The following FAM149B1 variants were observed in gnomAD, a reference collection of about 807,000 sequenced individuals.
FAM149B1 encodes the protein family with sequence similarity 149 member B1, also known as primary cilium assembly protein FAM149B1.
FAM149B1 carries 56 observed loss-of-function variants against 75.3 expected under a neutral mutation model. The ratio of observed to expected loss-of-function variants is 0.74; its 90% CI spans 0.60 to 0.93. The LOEUF is 0.93. Ranked by LOEUF, FAM149B1 falls within the 40% of genes least tolerant of loss-of-function variation. The probability of loss-of-function intolerance (pLI) is 0.00; values close to 1 mark genes in which losing one functional copy is unlikely to be tolerated. For missense variants in FAM149B1, 639 were observed against 708.4 expected (o/e 0.90, Z 1.11); for synonymous variants, 259 against 256.1 (o/e 1.01, Z -0.11).
At chr10:73,214,417 G>A (rs1473067465) in intron 7 of FAM149B1, among the ~76,000 whole-genome samples, 1 of 152,178 alleles carries the variant, frequency 6.6e-6, no homozygotes, top group Admixed American at 6.5e-5. Context: ...TCTCTGTTAA[G>A]TATAATGCTA....
chr10:73,184,604 T>G (rs1234840503), intron 3 of FAM149B1, among the ~76,000 whole-genome samples: 1 of 152,218 alleles, frequency 6.6e-6, no homozygotes, highest in Non-Finnish European at 1.5e-5. Flanking sequence ...GGAATTAAAT[T>G]ATAAATCAAC....
In FAM149B1 at chr10:73,171,770, A is replaced by G. The variant is rs1843728035; in HGVS notation, c.48-2917A>G. ...CAGCCTCCCGAGTAGCTGGGACTAC[A>G]GGTGCCCGCCACCATGCCCAGCTAA... On this transcript the variant is annotated intron_variant, in intron 1 of 13. Transcript: ENST00000242505. 2.0e-5 allele frequency among the ~76,000 whole-genome samples: 3 copies of G among 151,878 alleles called. No individual in the cohort carries two copies. The South Asian group carries it at 6.2e-4, about 31-fold the overall frequency.
intron 9 of FAM149B1, among the ~76,000 whole-genome samples, chr10:73,232,558 A>G (rs1245585788): frequency 6.6e-6 from 1 of 152,228 alleles, no homozygotes; most frequent in Non-Finnish European, 1.5e-5. Context: ...TTCAGCACAA[A>G]AGAATGCCTC....
chr10:73,243,627 G>GT lies in FAM149B1; in HGVS notation c.*2615dup. The stretch of plus-strand genomic sequence containing the variant: ...TGGAATAACTACTAATGGGTATGGA[G>GT]TTTTTTTGGAATGGTGAAAATGTCC... On this transcript the variant is annotated 3_prime_UTR_variant, in exon 14 of 14. Transcript: ENST00000242505. The GT allele has an allele frequency of 1.4e-6, 2 of 1,424,236 alleles. No homozygotes were observed. The highest frequency in any genetic ancestry group is 1.9e-6 in the Non-Finnish European group (2 of 1,041,606). 88.2% of individuals were successfully genotyped at this position (1,424,236 alleles called of 1,614,324 possible). A position where few individuals can be genotyped will look rare whatever the true frequency, so the allele number is the denominator to read the frequency against.
chr10:73,208,804 TA>T lies in FAM149B1; in HGVS notation c.710+20del, dbSNP rs1034789458. On this transcript the variant is annotated intron_variant, in intron 6 of 13. Coordinates refer to ENST00000242505, the MANE Select transcript of FAM149B1 (RefSeq NM_173348.2). ...ATAGATATGTGAGTATTATGCCTTT[TA>T]AGCTTTTTACTCCCCTCTTATTTTG... is the stretch of plus-strand genomic sequence containing the variant. 4 of 1,406,932 alleles carry T rather than the reference TA, an allele frequency of 2.8e-6. No individual in the cohort carries two copies. The African/African-American group carries it at 5.8e-5, about 20-fold the overall frequency. 87.2% of individuals were successfully genotyped at this position (1,406,932 alleles called of 1,614,324 possible). A position where few individuals can be genotyped will look rare whatever the true frequency, so the allele number is the denominator to read the frequency against.
At chr10:73,202,950 G>A (rs1441453405) in intron 5 of FAM149B1, among the ~76,000 whole-genome samples, 1 of 152,070 alleles carries the variant, frequency 6.6e-6, no homozygotes, top group African/African-American at 2.4e-5. Flanking sequence ...CACCTGCCAT[G>A]GTTAAGGATC....
chr10:73,173,250 A>C lies in FAM149B1; in HGVS notation c.48-1437A>C, dbSNP rs1347323135. On this transcript the variant is annotated intron_variant, in intron 1 of 13. Coordinates refer to ENST00000242505, the MANE Select transcript of FAM149B1 (RefSeq NM_173348.2). ...CAGCTTCCCCCAATGATGACATCTT[A>C]TGTAACTGTGGTATAATTTAAAAGC... is the stretch of plus-strand genomic sequence containing the variant. Among the ~76,000 whole-genome samples, 4 of 152,230 alleles carry C rather than the reference A, an allele frequency of 2.6e-5. No individual in the cohort carries two copies. The South Asian group carries it at 8.3e-4, about 32-fold the overall frequency.
intron 7 of FAM149B1, among the ~76,000 whole-genome samples, chr10:73,210,860 G>A (rs1007049033): frequency 2.6e-5 from 4 of 151,656 alleles, no homozygotes; most frequent in Non-Finnish European, 4.4e-5. Context: ...ATGAGAGAGA[G>A]GAAAAACCCA....
Position 73,174,791 on chromosome 10 carries a change from G to C in FAM149B1, c.152G>C (p.Ser51Thr). 1 of 1,537,144 alleles carries C rather than the reference G, an allele frequency of 6.5e-7. No individual in the cohort carries two copies. Among genetic ancestry groups the C allele is most frequent in the Non-Finnish European group, 8.8e-7 (1 of 1,133,836 alleles). The change falls in exon 2 of 14, where the codon AGC becomes ACC. Residue 51 changes from serine (S) to threonine (T), a missense_variant and splice_region_variant. Ser to Thr is a moderately conservative substitution (Grantham distance 58). Coordinates refer to ENST00000242505, the MANE Select transcript of FAM149B1 (RefSeq NM_173348.2). ...CATGAGAAAGACACAAGTTCCCAAAGGTAATAACACAAAGTGTACTTGTTT... is the reference window on the plus strand; with the variant it reads ...CATGAGAAAGACACAAGTTCCCAAACGTAATAACACAAAGTGTACTTGTTT... ...DSHEKDTSSQ[S>T]KSDITRESSF...
At chr10:73,204,930 A>C (rs1306459759) in intron 5 of FAM149B1, among the ~76,000 whole-genome samples, 1 of 114,472 alleles carries the variant, frequency 8.7e-6, no homozygotes, top group African/African-American at 3.2e-5. Context: ...GGCACCCGCC[A>C]CCATGCCTGG....
At chr10:73,216,178 T>G (rs192372031) in intron 7 of FAM149B1, among the ~76,000 whole-genome samples, 3 of 152,350 alleles carry the variant, frequency 2.0e-5, no homozygotes, top group Admixed American at 2.0e-4. Flanking sequence ...TTTATGTTTT[T>G]GATTTAAAGT....
intron 5 of FAM149B1, among the ~76,000 whole-genome samples, chr10:73,194,524 C>G (rs2042754185): frequency 6.6e-6 from 1 of 152,006 alleles, no homozygotes; most frequent in Admixed American, 6.6e-5. Context: ...TCCCGAGTAG[C>G]TGGGACTGCA....
Position 73,168,334 on chromosome 10 carries a change from A to G in FAM149B1, c.-6A>G. ...GAGGAGGAGGAGGAGGAGGAGGAGG[A>G]GGAGGATGATCTCCAGATACACTCG... On this transcript the variant is annotated 5_prime_UTR_variant, in exon 1 of 14. Transcript: ENST00000242505. 1.3e-6 allele frequency: 2 copies of G among 1,549,626 alleles called. No homozygotes were observed. The highest frequency in any genetic ancestry group is 1.7e-6 in the Non-Finnish European group (2 of 1,146,774).
In FAM149B1 at chr10:73,239,298, CTT is replaced by C. The variant is rs906246006; in HGVS notation, c.1603-11_1603-10del. On this transcript the variant is annotated splice_polypyrimidine_tract_variant and intron_variant, in intron 12 of 13. Transcript: ENST00000242505. Reference sequence around the variant, plus strand: ...AGATGCATCATAAGAAGTGTCTCCTCTTTTGTCTTGTAGCTGGATACACAGTA... The same window carrying C: ...AGATGCATCATAAGAAGTGTCTCCTCTTGTCTTGTAGCTGGATACACAGTA... 6.5e-7 allele frequency: 1 copy of C among 1,550,058 alleles called. No homozygotes were observed. The highest frequency in any genetic ancestry group is 2.0e-5 in the Admixed American group (1 of 50,946).
In FAM149B1 at chr10:73,230,417, C is replaced by A; in HGVS notation, c.1024-5C>A. ...TCAAGAGTACTGTCTTCTTTCAACA[C>A]GTAGATGAGTCTCTGTCAAGCAAGC... On this transcript the variant is annotated splice_region_variant and splice_polypyrimidine_tract_variant and intron_variant, in intron 8 of 13. Transcript: ENST00000242505. The A allele has an allele frequency of 6.7e-7, 1 of 1,497,132 alleles. No homozygotes were observed. The highest frequency in any genetic ancestry group is 9.1e-7 in the Non-Finnish European group (1 of 1,097,080). 92.7% of individuals were successfully genotyped at this position (1,497,132 alleles called of 1,614,324 possible).
At chr10:73,231,435 C>G (rs2043695975) in intron 9 of FAM149B1, 1 of 152,112 alleles carries the variant, frequency 6.6e-6, no homozygotes, top group Admixed American at 6.6e-5. Context: ...TACCATTTTA[C>G]ACTCCTTCCA....
In FAM149B1 at chr10:73,202,001, C is replaced by T. The variant is rs139262707; in HGVS notation, c.543-6618C>T. 4.5e-3 allele frequency among the ~76,000 whole-genome samples: 680 copies of T among 152,038 alleles called. 11 individuals carry two copies. In the East Asian group the frequency reaches 0.053, roughly 12 times the overall value. Reference sequence around the variant, plus strand: ...CCAACATGGTGAAACCCCGTCTCTACTAAAAATACAAAAATTAGCCAGGCG... The same window carrying T: ...CCAACATGGTGAAACCCCGTCTCTATTAAAAATACAAAAATTAGCCAGGCG... On this transcript the variant is annotated intron_variant, in intron 5 of 13. Transcript: ENST00000242505.
Position 73,234,859 on chromosome 10 carries a change from C to T in FAM149B1, c.1395C>T (p.Pro465=). 3 of 1,551,704 alleles carry T rather than the reference C, an allele frequency of 1.9e-6. No individual in the cohort carries two copies. The highest frequency in any genetic ancestry group is 1.7e-6 in the Non-Finnish European group (2 of 1,146,994). Residue 465 remains proline, a synonymous_variant, in exon 11 of 14, where the codon CCC becomes CCT. Transcript: ENST00000242505. ...PDSLSSPSPT[P]LSRNNLLPPI... is the part of the protein sequence containing the mutation. ...CGCTCTCCTCTCCCTCACCGACGCC[C>T]CTGAGTCGAAATAATCTGCTACCAC...
chr10:73,221,377 G>A (rs1381138436), intron 7 of FAM149B1, among the ~76,000 whole-genome samples: 3 of 150,238 alleles, frequency 2.0e-5, no homozygotes, highest in Non-Finnish European at 4.4e-5. Flanking sequence ...TTCTTTTGTA[G>A]ATATGAAAAT....
Sources: allele counts gnomAD v4.1 joint callset (sites outside exome capture counted in the v4.1 genomes callset), GRCh38; gene constraint gnomAD v4.1.1; transcripts MANE v1.5; gene names NCBI Gene and HGNC (gene_info 2026-07-23, HGNC 2026-07-21).